Variants in SPTBN2 observed in about 807,000 individuals in gnomAD.
SPTBN2 encodes spectrin beta, non-erythrocytic 2, also known as spectrin beta chain, non-erythrocytic 2.
SPTBN2 carries 107 observed loss-of-function variants against 284.2 expected under a neutral mutation model. The ratio of observed to expected loss-of-function variants is 0.38; its 90% CI spans 0.32 to 0.44. The LOEUF is 0.44. Among genes scored for constraint, SPTBN2 ranks in the 20% least tolerant of loss-of-function variants. The pLI is 1.00. For missense variants in SPTBN2, 2,569 were observed against 3,287.1 expected, an observed-to-expected ratio of 0.78 and a Z score of 5.34; for synonymous variants, 1,289 against 1,354.8, an observed-to-expected ratio of 0.95 and a Z score of 1.07.
intron 26 of SPTBN2, 97 bp downstream of exon 26, chr11:66,692,439 C>G (rs1056309915): frequency 9.0e-6 from 13 of 1,450,226 alleles, no homozygotes; most frequent in Admixed American, 1.7e-5. Flanking sequence ...TGCCCCTTAG[C>G]CCCTCAGTGC....
Position 66,682,514 on chromosome 11 carries a change from A to G in SPTBN2, c.*3357T>C, listed in dbSNP as rs563179427. 6.6e-6 allele frequency among the ~76,000 whole-genome samples: 1 copy of G among 152,382 alleles called. No individual in the cohort carries two copies. Among genetic ancestry groups the G allele is most frequent in the South Asian group, 2.1e-4 (1 of 4,832 alleles). ...CATCAAAATAGTTGAAATTCACTTTAATGATACTTTTGAAACCCAATATAT... is the reference window on the plus strand; with the variant it reads ...CATCAAAATAGTTGAAATTCACTTTGATGATACTTTTGAAACCCAATATAT... On this transcript the variant is annotated 3_prime_UTR_variant, in exon 38 of 38. Transcript: ENST00000533211.
chr11:66,713,807 A>G, intron 7 of SPTBN2, 61 bp from the exon 8 acceptor site: 2 of 1,353,220 alleles, frequency 1.5e-6, no homozygotes, highest in Non-Finnish European at 2.1e-6. Context: ...GAGGAAGAGG[A>G]AACCCACACC....
chr11:66,689,773 G>A (rs1201161593), intron 29 of SPTBN2, 32 bp downstream of exon 29: 9 of 1,611,436 alleles, frequency 5.6e-6, no homozygotes, highest in Non-Finnish European at 7.6e-6. Flanking sequence ...ACTGCACAGT[G>A]AGAATGGCCC....
At chr11:66,702,677 G>T (rs956762797) in intron 15 of SPTBN2, among the ~76,000 whole-genome samples, 1 of 151,444 alleles carries the variant, frequency 6.6e-6, no homozygotes, top group East Asian at 2.0e-4. Flanking sequence ...GGTGGCTCAC[G>T]CCTGTAATCC....
chr11:66,699,587 C>T lies in SPTBN2; in HGVS notation c.3595G>A (p.Glu1199Lys). The change falls in exon 18 of 38, where the codon GAG (glutamate) becomes AAG (lysine). Residue 1199 changes from glutamate (E) to lysine (K), a missense_variant. Around this residue, in one of 6 missense-constraint regions of SPTBN2, gnomAD observed 1,012 missense variants for 1,248.9 expected, o/e 0.81. Transcript: ENST00000533211. ...SSQEYVLSHT[E>K]MPGTLQAADA... ...GCAGCCTGGAGTGTCCCTGGCATCT[C>T]CGTGTGAGACAGAACATATTCCTGT... The T allele has an allele frequency of 6.2e-7, 1 of 1,614,120 alleles. No individual in the cohort carries two copies. Among genetic ancestry groups the T allele is most frequent in the Non-Finnish European group, 8.5e-7 (1 of 1,180,030 alleles).
intron 1 of SPTBN2, among the ~76,000 whole-genome samples, chr11:66,743,028 C>A (rs1423719267): frequency 6.6e-6 from 1 of 151,672 alleles, no homozygotes; most frequent in Admixed American, 6.6e-5. Context: ...ATGTAAAGAG[C>A]TAGTGGGGTC....
chr11:66,721,308 G>A, intron 2 of SPTBN2, 42 bp downstream of exon 2: 1 of 1,598,324 alleles, frequency 6.3e-7, no homozygotes. Context: ...GGACCACCAA[G>A]CCCTCCACTC....
At position 66,710,713 on chromosome 11, in the gene SPTBN2, G is replaced by A; in HGVS notation, c.942C>T (p.Ala314=). The change falls in exon 10 of 38, where the codon GCC becomes GCT. Residue 314 remains alanine, a synonymous_variant. Coordinates refer to ENST00000533211, the MANE Select transcript of SPTBN2 (RefSeq NM_006946.4). The surrounding 1 kb of genome is among the most constrained non-coding windows in gnomAD (Gnocchi z 4.9). ...ERLVEKYESL[A]SELLQWIEQT... ...GCTCGATCCACTGCAGCAGCTCCGA[G>A]GCCAGGGACTCGTATTTCTCCACCA... is the stretch of plus-strand genomic sequence containing the variant. 6.2e-7 allele frequency: 1 copy of A among 1,614,228 alleles called. No individual in the cohort carries two copies. The highest frequency in any genetic ancestry group is 8.5e-7 in the Non-Finnish European group (1 of 1,180,034).
rs1337294295 is a variant in SPTBN2, at chr11:66,688,077, G to A, written c.6377C>T (p.Thr2126Ile). Residue 2126 changes from threonine to isoleucine, a missense_variant and splice_region_variant, in exon 33 of 38, where the codon ACC becomes ATC. Physicochemically the swap from Thr to Ile is moderately conservative, Grantham distance 89. Around this residue, in one of 6 missense-constraint regions of SPTBN2, gnomAD observed 1,130 missense variants for 1,317.3 expected, o/e 0.86. Transcript: ENST00000533211. The stretch of plus-strand genomic sequence containing the variant: ...TGTGGATGGTGGTGGCCGTGGCTGG[G>A]TTCTGGGATGACCAAAGGCAACACA... Reference protein sequence around the residue: ...QTASDTTWDGTQPRPPPSTQA... With the variant: ...QTASDTTWDGIQPRPPPSTQA... The A allele has an allele frequency of 1.9e-6, 3 of 1,610,524 alleles. No individual in the cohort carries two copies. The highest frequency in any genetic ancestry group is 1.4e-5 in the African/African-American group (1 of 73,832).
rs777214144 is a variant in SPTBN2 at position 66,700,554 on chromosome 11, C to A, written c.3545G>T (p.Arg1182Leu). ...GCTGCTGAGCACGCCCTCAGCCTGA[C>A]GAGCATCCCGCAGGAATCCCTGGAA... ...HGFQGFLRDA[R>L]QAEGVLSSQE... Residue 1182 changes from arginine (R) to leucine (L), a missense_variant, in exon 17 of 38, where the codon CGT becomes CTT. This residue lies in a region of SPTBN2 where 1,012 missense variants were observed against 1,248.9 expected (regional missense o/e 0.81). Transcript: ENST00000533211. The surrounding 1 kb of genome is among the most constrained non-coding windows in gnomAD (Gnocchi z 6.6). The A allele has an allele frequency of 6.2e-7, 1 of 1,606,046 alleles. No homozygotes were observed. The highest frequency in any genetic ancestry group is 8.5e-7 in the Non-Finnish European group (1 of 1,180,008).
chr11:66,707,648 G>A lies in SPTBN2; in HGVS notation c.1521C>T (p.His507=), dbSNP rs374936346. The A allele has an allele frequency of 6.2e-7, 1 of 1,608,746 alleles. No homozygotes were observed. Among genetic ancestry groups the A allele is most frequent in the African/African-American group, 1.3e-5 (1 of 75,052 alleles). Residue 507 remains histidine, a synonymous_variant, in exon 13 of 38, where the codon CAC becomes CAT. Transcript: ENST00000533211. This position sits in a 1 kb window ranked among gnomAD's most constrained non-coding sequence, Gnocchi z 4.9. The part of the protein sequence containing the change: ...HDIKRIAARQ[H]NVARLWDFLR... ...AGAAGTCCCAGAGCCGTGCCACGTTGTGCTGCCGAGCGGCGATGCGCTTGA... is the reference window on the plus strand; with the variant it reads ...AGAAGTCCCAGAGCCGTGCCACGTTATGCTGCCGAGCGGCGATGCGCTTGA...
chr11:66,741,353 T>C (rs370664691), intron 1 of SPTBN2, among the ~76,000 whole-genome samples: 2 of 152,228 alleles, frequency 1.3e-5, no homozygotes, highest in African/African-American at 4.8e-5. Context: ...AAGAAGTATC[T>C]GTTTACTTCC....
intron 20 of SPTBN2, among the ~76,000 whole-genome samples, chr11:66,696,891 T>C (rs559761393): frequency 1.5e-4 from 23 of 152,316 alleles, no homozygotes; most frequent in Non-Finnish European, 2.9e-4. Flanking sequence ...TCTCAACTCA[T>C]TACTCTTCAC....
At chr11:66,729,493 G>T (rs1209909565), upstream of SPTBN2, among the ~76,000 whole-genome samples, 1 of 152,114 alleles carries the variant, frequency 6.6e-6, no homozygotes. Flanking sequence ...TGAATTATTG[G>T]ATTTAAGGTT....
rs200707472 is a variant in SPTBN2, at chr11:66,696,491, G to A, written c.4064C>T (p.Ser1355Leu). ...CCTGTGCAGGTCTCTCAGCTTCTCCGACACCAGGGCTTTCAGCTCTGGCTT... is the reference window on the plus strand; with the variant it reads ...CCTGTGCAGGTCTCTCAGCTTCTCCAACACCAGGGCTTTCAGCTCTGGCTT... Reference protein sequence around the residue: ...LEKPELKALVSEKLRDLHRRW... With the variant: ...LEKPELKALVLEKLRDLHRRW... Residue 1355 changes from serine (S) to leucine (L), a missense_variant, in exon 21 of 38, where the codon TCG becomes TTG. Coordinates refer to ENST00000533211, the MANE Select transcript of SPTBN2 (RefSeq NM_006946.4). 1.2e-5 allele frequency: 19 copies of A among 1,612,080 alleles called. No individual in the cohort carries two copies. In the Admixed American group the frequency reaches 2.3e-4, roughly 20 times the overall value.
rs367881084 is a variant in SPTBN2, at chr11:66,685,840, G to A, written c.*31C>T. The stretch of plus-strand genomic sequence containing the variant: ...GTCCCTGGCAGTTTCCTGAACGGAG[G>A]GAGGGAGTTGGCCTGGGACCTTGCC... On this transcript the variant is annotated 3_prime_UTR_variant, in exon 38 of 38. Coordinates refer to ENST00000533211, the MANE Select transcript of SPTBN2 (RefSeq NM_006946.4). The surrounding 1 kb of genome is among the most constrained non-coding windows in gnomAD (Gnocchi z 4.4). The A allele has an allele frequency of 1.7e-5, 27 of 1,600,878 alleles. No individual in the cohort carries two copies. In the African/African-American group the frequency reaches 3.5e-4, roughly 21 times the overall value.
rs1427530674 is a variant in SPTBN2, at chr11:66,700,852, G to A, written c.3247C>T (p.Arg1083Cys). 14 of 1,599,984 alleles carry A rather than the reference G, an allele frequency of 8.8e-6. No homozygotes were observed. In the South Asian group the frequency reaches 8.8e-5, roughly 10 times the overall value. ...SLDDFQAWLG[R>C]TQTAVASEEG... is the part of the protein sequence containing the mutation. ...TCAGAGGCCACAGCAGTCTGAGTGC[G>A]GCCTAGCCAGGCCTGGAAGTCATCC... Residue 1083 changes from arginine to cysteine, a missense_variant, in exon 17 of 38, where the codon CGC becomes TGC. Physicochemically the swap from Arg to Cys is radical, Grantham distance 180. Around this residue, in one of 6 missense-constraint regions of SPTBN2, gnomAD observed 1,012 missense variants for 1,248.9 expected, o/e 0.81. Transcript: ENST00000533211. This position sits in a 1 kb window ranked among gnomAD's most constrained non-coding sequence, Gnocchi z 6.6.
Position 66,701,618 on chromosome 11 carries a change from G to C in SPTBN2, c.2782C>G (p.Arg928Gly). 1 of 1,614,048 alleles carries C rather than the reference G, an allele frequency of 6.2e-7. No homozygotes were observed. The highest frequency in any genetic ancestry group is 8.5e-7 in the Non-Finnish European group (1 of 1,180,038). The change falls in exon 16 of 38, where the codon CGC becomes GGC. Residue 928 changes from arginine to glycine, a missense_variant. Coordinates refer to ENST00000533211, the MANE Select transcript of SPTBN2 (RefSeq NM_006946.4). ...AGCTGCTCCTGGGTGTTGACAATGC[G>C]GTCTTTGCCTGGGGGGTTGGCCTTC... is the stretch of plus-strand genomic sequence containing the variant. The part of the protein sequence containing the change: ...LLKANPPGKD[R>G]IVNTQEQLNH...
At chr11:66,704,347 A>T (rs2135438468) in intron 15 of SPTBN2, among the ~76,000 whole-genome samples, 1 of 152,278 alleles carries the variant, frequency 6.6e-6, no homozygotes, top group African/African-American at 2.4e-5. Context: ...TTTGCTTTTT[A>T]AAAGGGCAGA....
Sources: allele counts gnomAD v4.1 joint callset (sites outside exome capture counted in the v4.1 genomes callset), GRCh38; gene constraint gnomAD v4.1.1; regional missense constraint gnomAD v4.1.1; non-coding constraint Gnocchi (gnomAD v3.1); transcripts MANE v1.5; gene names NCBI Gene and HGNC (gene_info 2026-07-23, HGNC 2026-07-21).